The following MTMR14 variants were observed in gnomAD, a reference collection of about 807,000 sequenced individuals.
MTMR14 encodes phosphatidylinositol-3,5-bisphosphate 3-phosphatase MTMR14.
MTMR14 carries 48 observed loss-of-function variants against 86.3 expected under a neutral mutation model. The ratio of observed to expected loss-of-function variants is 0.56; its 90% CI spans 0.44 to 0.71. The LOEUF (loss-of-function observed/expected upper bound fraction) is 0.71. MTMR14 is among the 30% of genes least tolerant of loss of function. The pLI is 0.00. For synonymous variants in MTMR14, 366 were observed against 326.1 expected (o/e 1.12, Z -1.32); for missense variants, 780 against 834.6 (o/e 0.93, Z 0.81).
At chr3:9,698,005 G>T in intron 18 of MTMR14, 139 bp downstream of exon 18, 2 of 1,242,112 alleles carry the variant, frequency 1.6e-6, no homozygotes, top group African/African-American at 2.9e-5. Context: ...TCAGCTGCTG[G>T]ACCCGAGGTA....
chr3:9,668,453 A>T (rs2048376429), intron 3 of MTMR14, among the ~76,000 whole-genome samples: 1 of 152,242 alleles, frequency 6.6e-6, no homozygotes. Context: ...CACGTGGTAC[A>T]CATGCAACAA....
In MTMR14 at chr3:9,671,254, C is replaced by T. The variant is rs372904457; in HGVS notation, c.677+84C>T. The T allele has an allele frequency of 4.0e-4, 633 of 1,583,894 alleles. 1 individual carries two copies. In the African/African-American group the frequency reaches 7.0e-3, roughly 18 times the overall value. ...TGGCGTTAGTATGTAGCTGTCACTG[C>T]GTGCTGGCCTTCTTACAAAGGGCTT... On this transcript the variant is annotated intron_variant, in intron 6 of 18. Transcript: ENST00000296003.
In MTMR14 at chr3:9,649,625, G is replaced by C. The variant is rs1212740340; in HGVS notation, c.42G>C (p.Gly14=). The change falls in exon 1 of 19, where the codon GGG becomes GGC. Residue 14 remains glycine (G), a synonymous_variant. Coordinates refer to ENST00000296003, the MANE Select transcript of MTMR14 (RefSeq NM_001077525.3). The part of the protein sequence containing the change: ...ARAAAAAASA[G]SSASSGNQPP... Reference sequence around the variant, plus strand: ...CCGCCGCCGCCGCTGCCTCGGCGGGGTCCTCGGCCTCTTCAGGCAACCAGC... The same window carrying C: ...CCGCCGCCGCCGCTGCCTCGGCGGGCTCCTCGGCCTCTTCAGGCAACCAGC... 1.9e-6 allele frequency: 3 copies of C among 1,558,198 alleles called. No homozygotes were observed. Among genetic ancestry groups the C allele is most frequent in the Non-Finnish European group, 2.6e-6 (3 of 1,152,388 alleles).
Position 9,653,761 on chromosome 3 carries a change from G to C in MTMR14, c.300G>C (p.Glu100Asp). 1 of 1,614,222 alleles carries C rather than the reference G, an allele frequency of 6.2e-7. No homozygotes were observed. Among genetic ancestry groups the C allele is most frequent in the Non-Finnish European group, 8.5e-7 (1 of 1,180,048 alleles). Reference sequence around the variant, plus strand: ...TGGAGTATGAGAGTTCTGAGAAGGAGAAAGACACGTGAGCATCATGTGACC... The same window carrying C: ...TGGAGTATGAGAGTTCTGAGAAGGACAAAGACACGTGAGCATCATGTGACC... The part of the protein sequence containing the change: ...VFLEYESSEK[E>D]KDTFESTVQV... Residue 100 changes from glutamate (E) to aspartate (D), a missense_variant, in exon 2 of 19, where the codon GAG becomes GAC. By Grantham distance (45) the Glu-to-Asp change is conservative (BLOSUM62 2). Transcript: ENST00000296003.
Position 9,701,782 on chromosome 3 carries a change from C to T in MTMR14, c.1770-8C>T. 1 of 1,613,546 alleles carries T rather than the reference C, an allele frequency of 6.2e-7. No individual in the cohort carries two copies. Among genetic ancestry groups the T allele is most frequent in the South Asian group, 1.1e-5 (1 of 91,082 alleles). ...ATGTCTTTGTTCTTTCTCTTGACCTCCCCATAGGCTTGCAGCCCTGAGTGA... is the reference window on the plus strand; with the variant it reads ...ATGTCTTTGTTCTTTCTCTTGACCTTCCCATAGGCTTGCAGCCCTGAGTGA... On this transcript the variant is annotated splice_region_variant and splice_polypyrimidine_tract_variant and intron_variant, in intron 18 of 18. Coordinates refer to ENST00000296003, the MANE Select transcript of MTMR14 (RefSeq NM_001077525.3). This position sits in a 1 kb window ranked among gnomAD's most constrained non-coding sequence, Gnocchi z 4.2.
At chr3:9,655,350 G>A (rs944287465) in intron 2 of MTMR14, among the ~76,000 whole-genome samples, 1 of 151,124 alleles carries the variant, frequency 6.6e-6, no homozygotes, top group Admixed American at 6.6e-5. Flanking sequence ...CTGGGCAACA[G>A]AGCAAGAGCA....
At chr3:9,650,376 C>T (rs1272194802) in intron 1 of MTMR14, 1 of 456,546 alleles carries the variant, frequency 2.2e-6, no homozygotes, top group Non-Finnish European at 4.4e-6. Context: ...CAGGCCATCC[C>T]CACCCTAAGC....
At chr3:9,651,015 C>G (rs1022693267) in intron 1 of MTMR14, among the ~76,000 whole-genome samples, 1 of 152,150 alleles carries the variant, frequency 6.6e-6, no homozygotes, top group African/African-American at 2.4e-5. Context: ...GTCTTGAACT[C>G]CTGAGCTCAG....
rs894493297 is a variant in MTMR14 at position 9,689,225 on chromosome 3, A to G, written c.1433+143A>G. ...ATAGCTCCGTGCTCCTGCTGTCTCT[A>G]CTGGGCCTCAGAAGTCAGCCATCTG... is the stretch of plus-strand genomic sequence containing the variant. On this transcript the variant is annotated intron_variant, in intron 16 of 18. Transcript: ENST00000296003. 4.0e-5 allele frequency: 53 copies of G among 1,316,078 alleles called. No homozygotes were observed. In the Admixed American group the frequency reaches 4.6e-4, roughly 12 times the overall value. The allele number at this position is 1,316,078 out of a possible 1,614,324, so 81.5% of individuals were successfully genotyped here.
At chr3:9,656,422 TAGTTTCTTTTTTTTTTTAAGAC>T (rs1257864096) in intron 2 of MTMR14, among the ~76,000 whole-genome samples, 2 of 144,758 alleles carry the variant, frequency 1.4e-5, no homozygotes, top group African/African-American at 5.7e-5. Context: ...TAGGTAAGCT[TAGTTTCTTTTTTTTTTTAAGAC>T]AGAATCTTGC....
intron 2 of MTMR14, among the ~76,000 whole-genome samples, chr3:9,658,474 A>T (rs991594984): frequency 1.3e-5 from 2 of 152,238 alleles, no homozygotes; most frequent in African/African-American, 4.8e-5. Context: ...TGAAGTCCTT[A>T]CCAGTAGGTC....
chr3:9,670,521 A>G (rs1574987621), intron 5 of MTMR14, among the ~76,000 whole-genome samples: 1 of 152,352 alleles, frequency 6.6e-6, no homozygotes. Context: ...TCTTTGCTTC[A>G]TCGGCCTGCT....
chr3:9,674,554 T>C (rs1296937768), intron 7 of MTMR14, among the ~76,000 whole-genome samples: 1 of 151,912 alleles, frequency 6.6e-6, no homozygotes, highest in East Asian at 1.9e-4. Context: ...TTGGGAGGCC[T>C]AGGCAGTAAG....
Position 9,677,902 on chromosome 3 carries a change from G to A in MTMR14, c.823-82G>A, listed in dbSNP as rs2125199124. The A allele has an allele frequency of 2.4e-6, 3 of 1,270,228 alleles. No individual in the cohort carries two copies. The East Asian group carries it at 7.0e-5, about 30-fold the overall frequency. The allele number at this position is 1,270,228 out of a possible 1,614,324, so 78.7% of individuals were successfully genotyped here. A position where few individuals can be genotyped will look rare whatever the true frequency, so the allele number is the denominator to read the frequency against. ...GCAAGCACTGCCTGTGGTAGTCACA[G>A]CCTCAGGACTGCAAGCTTCCCCATC... is the stretch of plus-strand genomic sequence containing the variant. On this transcript the variant is annotated intron_variant, in intron 8 of 18. Transcript: ENST00000296003. This position sits in a 1 kb window ranked among gnomAD's most constrained non-coding sequence, Gnocchi z 4.2.
rs1208677957 is a variant in MTMR14, at chr3:9,649,749, T to C, written c.159+7T>C. Reference sequence around the variant, plus strand: ...CGGGACCGGCGGCTCTAAGGTGAGATTGGAGGTGCGATGAGCTGGGGAAGG... The same window carrying C: ...CGGGACCGGCGGCTCTAAGGTGAGACTGGAGGTGCGATGAGCTGGGGAAGG... On this transcript the variant is annotated splice_region_variant and intron_variant, in intron 1 of 18. Transcript: ENST00000296003. 3.1e-6 allele frequency: 5 copies of C among 1,612,892 alleles called. No individual in the cohort carries two copies. Among genetic ancestry groups the C allele is most frequent in the South Asian group, 2.2e-5 (2 of 90,862 alleles).
chr3:9,700,888 GC>G (rs1319052910), intron 18 of MTMR14: 1 of 151,740 alleles, frequency 6.6e-6, no homozygotes, highest in Non-Finnish European at 1.5e-5. Flanking sequence ...GTGCAGTCTG[GC>G]TCACTGTGAC....
At chr3:9,676,418 G>C (rs116727662) in intron 7 of MTMR14, among the ~76,000 whole-genome samples, 1 of 152,254 alleles carries the variant, frequency 6.6e-6, no homozygotes, top group East Asian at 1.9e-4. Context: ...AACTCCAAGC[G>C]CAGAGCAAAG....
intron 1 of MTMR14, among the ~76,000 whole-genome samples, chr3:9,652,950 A>G (rs1260459693): frequency 6.6e-6 from 1 of 152,146 alleles, no homozygotes; most frequent in Non-Finnish European, 1.5e-5. Flanking sequence ...TTTTAAAAAA[A>G]TAAAGGCCGG....
chr3:9,685,027 G>A, intron 12 of MTMR14, 63 bp downstream of exon 12: 1 of 1,551,360 alleles, frequency 6.4e-7, no homozygotes, highest in South Asian at 1.1e-5. Context: ...TGAGTTGTGT[G>A]GTGGCTCCCT....
Sources: allele counts gnomAD v4.1 joint callset (sites outside exome capture counted in the v4.1 genomes callset), GRCh38; gene constraint gnomAD v4.1.1; non-coding constraint Gnocchi (gnomAD v3.1); transcripts MANE v1.5; gene names NCBI Gene and HGNC (gene_info 2026-07-23, HGNC 2026-07-21).